The following TMC2 variants were observed in gnomAD, a reference collection of about 807,000 sequenced individuals.
The protein encoded by TMC2 is transmembrane channel like 2.
A neutral mutation model predicts 105.9 loss-of-function variants in TMC2; 102 were observed. The observed-to-expected ratio is 0.96, with a 90% CI of 0.82 to 1.14. The LOEUF is 1.14. Ranked by LOEUF, TMC2 falls within the 50% of genes most tolerant of loss-of-function variation. TMC2 has a pLI of 0.00. For missense variants in TMC2, 1,093 were observed against 1,134.3 expected (o/e 0.96, Z 0.52); for synonymous variants, 402 against 422.8 (o/e 0.95, Z 0.60).
chr20:2,610,540 T>C lies in TMC2; in HGVS notation c.1535T>C (p.Leu512Pro), dbSNP rs140368396. 3.1e-6 allele frequency: 5 copies of C among 1,613,410 alleles called. No individual in the cohort carries two copies. The highest frequency in any genetic ancestry group is 4.2e-6 in the Non-Finnish European group (5 of 1,179,702). Residue 512 changes from leucine to proline, a missense_variant, in exon 12 of 20, where the codon CTC (leucine) becomes CCC (proline). Coordinates refer to ENST00000358864, the MANE Select transcript of TMC2 (RefSeq NM_080751.3). ...LKWQLGRIFA[L>P]FLGNLYTFLL... ...TGGCAGCTGGGACGCATCTTTGCAC[T>C]CTTCCTGGGGAACCTCTACACATTT... is the stretch of plus-strand genomic sequence containing the variant.
intron 5 of TMC2, among the ~76,000 whole-genome samples, chr20:2,577,665 A>G (rs151173635): frequency 6.6e-6 from 1 of 152,298 alleles, no homozygotes; most frequent in East Asian, 1.9e-4. Context: ...AAATCCTAAC[A>G]CTTTGGGAGG....
chr20:2,605,716 T>G (rs2086386146), intron 11 of TMC2, among the ~76,000 whole-genome samples: 1 of 152,130 alleles, frequency 6.6e-6, no homozygotes, highest in Admixed American at 6.6e-5. Flanking sequence ...TTTTCCATAT[T>G]AGGAGGAGGG....
intron 5 of TMC2, 63 bp downstream of exon 5, chr20:2,572,332 C>A: frequency 2.4e-6 from 3 of 1,268,050 alleles, no homozygotes; most frequent in Non-Finnish European, 3.4e-6. Flanking sequence ...ATCTGGCGAC[C>A]AACTTCGGCA....
intron 1 of TMC2, 61 bp from the exon 2 acceptor site, chr20:2,537,208 G>T: frequency 1.0e-5 from 15 of 1,477,308 alleles, no homozygotes; most frequent in Non-Finnish European, 1.2e-5. Context: ...GTGACCGGGG[G>T]TCTGCAGGGA....
At chr20:2,632,248 G>GA (rs1387646332) in intron 17 of TMC2, among the ~76,000 whole-genome samples, 2 of 151,758 alleles carry the variant, frequency 1.3e-5, no homozygotes, top group East Asian at 3.9e-4. Flanking sequence ...TCTTTCTTCT[G>GA]TCATCTCAGA....
intron 7 of TMC2, among the ~76,000 whole-genome samples, chr20:2,584,301 G>A (rs959607565): frequency 2.2e-4 from 33 of 146,852 alleles, no homozygotes; most frequent in East Asian, 1.2e-3. Context: ...AAAATTAGCC[G>A]GGCGTAGTGG....
At chr20:2,575,537 C>T (rs894659122) in intron 5 of TMC2, among the ~76,000 whole-genome samples, 7 of 152,146 alleles carry the variant, frequency 4.6e-5, no homozygotes, top group African/African-American at 1.7e-4. Context: ...GCAGTAAGAA[C>T]ACTTGAGATT....
intron 5 of TMC2, among the ~76,000 whole-genome samples, chr20:2,578,083 G>A (rs2086160520): frequency 6.6e-6 from 1 of 152,156 alleles, no homozygotes; most frequent in Non-Finnish European, 1.5e-5. Context: ...CACTTTGGGA[G>A]GTCGAGGCGG....
intron 5 of TMC2, among the ~76,000 whole-genome samples, chr20:2,576,811 G>A (rs73570279): frequency 0.14 from 21,668 of 151,704 alleles, 2,109 homozygotes; most frequent in African/African-American, 0.27. Context: ...AGAAACCAAA[G>A]TACTCAAGGC....
intron 9 of TMC2, 57 bp from the exon 10 acceptor site, chr20:2,597,094 T>A: frequency 1.3e-6 from 2 of 1,577,008 alleles, no homozygotes; most frequent in South Asian, 2.3e-5. Context: ...CAAGGTTCCC[T>A]GGGGGTGACA....
In TMC2 at chr20:2,580,050, C is replaced by A. The variant is rs148009173; in HGVS notation, c.828C>A (p.Ile276=). 6.2e-6 allele frequency: 10 copies of A among 1,602,416 alleles called. No individual in the cohort carries two copies. The highest frequency in any genetic ancestry group is 1.7e-5 in the Admixed American group (1 of 59,930). Residue 276 remains isoleucine, a synonymous_variant, in exon 7 of 20, where the codon ATC becomes ATA. Transcript: ENST00000358864. ...LFGLIFGLVI[I]PEVLMGMPYG... ...GCTTAATATTTGGTCTAGTCATAAT[C>A]CCAGAGGTAAGAAAAGAACTTCCTA... is the stretch of plus-strand genomic sequence containing the variant.
At chr20:2,539,162 C>T (rs946988078) in intron 2 of TMC2, among the ~76,000 whole-genome samples, 1 of 152,156 alleles carries the variant, frequency 6.6e-6, no homozygotes, top group Non-Finnish European at 1.5e-5. Context: ...TTTAGGAGAG[C>T]GTGTGCTGGG....
chr20:2,603,533 T>A (rs2146225772), intron 11 of TMC2, among the ~76,000 whole-genome samples: 1 of 152,310 alleles, frequency 6.6e-6, no homozygotes, highest in South Asian at 2.1e-4. Flanking sequence ...AATTAACCCA[T>A]CTAAAACATC....
At chr20:2,583,463 CTTT>C (rs372290962) in intron 7 of TMC2, among the ~76,000 whole-genome samples, 14 of 138,384 alleles carry the variant, frequency 1.0e-4, no homozygotes, top group South Asian at 2.3e-4. Context: ...CACATAAGCA[CTTT>C]TTTTTTTTTT....
chr20:2,536,661 T>TCCA lies in TMC2; in HGVS notation c.34+8_34+10dup. On this transcript the variant is annotated splice_region_variant and intron_variant, in intron 1 of 19. Coordinates refer to ENST00000358864, the MANE Select transcript of TMC2 (RefSeq NM_080751.3). ...AAAGGGCCTGAAAGAGGAAGGTGAG[T>TCCA]CCACGTCCTGATCCTGCGGGGCCCG... The TCCA allele has an allele frequency of 1.3e-6, 2 of 1,572,352 alleles. No individual in the cohort carries two copies. The highest frequency in any genetic ancestry group is 1.7e-6 in the Non-Finnish European group (2 of 1,158,688).
intron 10 of TMC2, among the ~76,000 whole-genome samples, chr20:2,598,107 C>G (rs1284976388): frequency 6.6e-6 from 1 of 151,796 alleles, no homozygotes; most frequent in Non-Finnish European, 1.5e-5. Context: ...GAAATCAACA[C>G]TGATGGCTGC....
At chr20:2,567,484 CA>C (rs1014374478) in intron 4 of TMC2, among the ~76,000 whole-genome samples, 5 of 152,288 alleles carry the variant, frequency 3.3e-5, no homozygotes, top group African/African-American at 1.2e-4. Flanking sequence ...AACTAAATGA[CA>C]AAAGATGATC....
At chr20:2,550,161 G>A (rs13043577) in intron 2 of TMC2, among the ~76,000 whole-genome samples, 28,422 of 150,448 alleles carry the variant, frequency 0.19, 2,790 homozygotes, top group African/African-American at 0.22. Flanking sequence ...CTCCAGCCTG[G>A]GCAACAGAGC....
intron 2 of TMC2, among the ~76,000 whole-genome samples, chr20:2,547,346 C>T (rs997140141): frequency 9.2e-5 from 14 of 152,094 alleles, no homozygotes; most frequent in African/African-American, 1.4e-4. Flanking sequence ...CAGAGCACCA[C>T]CAGGACTCTA....
Sources: allele counts gnomAD v4.1 joint callset (sites outside exome capture counted in the v4.1 genomes callset), GRCh38; gene constraint gnomAD v4.1.1; transcripts MANE v1.5; gene names NCBI Gene and HGNC (gene_info 2026-07-23, HGNC 2026-07-21).